Variants in UNC79 observed in about 807,000 individuals in gnomAD.
UNC79 encodes unc-79 subunit of NALCN channel complex.
UNC79 carries 37 observed loss-of-function variants against 283.1 expected under a neutral mutation model. That is an observed-to-expected ratio of 0.13 (90% CI 0.10 to 0.17). The LOEUF (loss-of-function observed/expected upper bound fraction) is 0.17. UNC79 is among the 10% of genes least tolerant of loss of function. UNC79 has a pLI of 1.00. For missense variants in UNC79, 2,272 were observed against 3,211.1 expected, an observed-to-expected ratio of 0.71 and a Z score of 7.07; for synonymous variants, 1,107 against 1,200.2, an observed-to-expected ratio of 0.92 and a Z score of 1.61.
Position 93,659,730 on chromosome 14 carries a change from T to G in UNC79, c.6525+469T>G, listed in dbSNP as rs138508741. ...ACTTTCAGAATCAGCGTTATCATCA[T>G]CATCATCGAAACAACAACCACTGTT... is the stretch of plus-strand genomic sequence containing the variant. On this transcript the variant is annotated intron_variant, in intron 39 of 48. Transcript: ENST00000555664. 2.0e-5 allele frequency among the ~76,000 whole-genome samples: 3 copies of G among 152,338 alleles called. No individual in the cohort carries two copies. In the East Asian group the frequency reaches 5.8e-4, roughly 29 times the overall value.
chr14:93,422,786 C>T (rs540362878), intron 1 of UNC79, among the ~76,000 whole-genome samples: 31 of 152,074 alleles, frequency 2.0e-4, no homozygotes, highest in African/African-American at 6.5e-4. Flanking sequence ...CAAGGCCAGG[C>T]TTGGTGGCTT....
chr14:93,362,687 T>C (rs1290173371), intron 1 of UNC79, among the ~76,000 whole-genome samples: 1 of 152,156 alleles, frequency 6.6e-6, no homozygotes, highest in Admixed American at 6.5e-5. Flanking sequence ...TTGTTCAGGG[T>C]TCCAATTTAT....
chr14:93,657,870 T>C (rs765309796), intron 38 of UNC79, among the ~76,000 whole-genome samples: 78 of 152,330 alleles, frequency 5.1e-4, no homozygotes, highest in Middle Eastern at 6.8e-3. Flanking sequence ...AGTCCTTCTA[T>C]GAGGTCAGTG....
chr14:93,637,663 G>T (rs1216455234), intron 32 of UNC79, among the ~76,000 whole-genome samples: 1 of 152,132 alleles, frequency 6.6e-6, no homozygotes, highest in African/African-American at 2.4e-5. Flanking sequence ...TCACCATGTT[G>T]GCCAGGCTAG....
chr14:93,674,678 A>G (rs1304956756), intron 41 of UNC79, among the ~76,000 whole-genome samples: 1 of 152,200 alleles, frequency 6.6e-6, no homozygotes, highest in Non-Finnish European at 1.5e-5. Context: ...AACTAGACAG[A>G]TTTCCCTGAA....
chr14:93,586,603 G>T, exon 21 of UNC79: 1 of 1,613,552 alleles, frequency 6.2e-7, no homozygotes, highest in Non-Finnish European at 8.5e-7. Flanking sequence ...CAGCAGTAAA[G>T]AATGATACCG....
intron 15 of UNC79, 99 bp from the exon 16 acceptor site, chr14:93,572,594 T>G: frequency 2.0e-6 from 3 of 1,531,474 alleles, no homozygotes; most frequent in Non-Finnish European, 2.6e-6. Flanking sequence ...CTAAAAGGCT[T>G]GGCTCTCCAA....
At chr14:93,622,097 T>G in exon 30 of UNC79, 3 of 1,614,118 alleles carry the variant, frequency 1.9e-6, no homozygotes, top group Non-Finnish European at 1.7e-6. Context: ...TGAAAAACAC[T>G]CTATACTCTC....
At chr14:93,442,993 G>T (rs1312453819) in intron 1 of UNC79, among the ~76,000 whole-genome samples, 1 of 152,136 alleles carries the variant, frequency 6.6e-6, no homozygotes, top group Non-Finnish European at 1.5e-5. Context: ...GGAGGCTGAG[G>T]TGGGCATATC....
intron 1 of UNC79, among the ~76,000 whole-genome samples, chr14:93,396,230 CTT>C (rs1383407064): frequency 1.3e-5 from 2 of 148,232 alleles, no homozygotes; most frequent in East Asian, 4.0e-4. Flanking sequence ...GAATTTTTCT[CTT>C]TGTTTTTTTT....
At chr14:93,634,770 C>G in intron 31 of UNC79, 133 bp downstream of exon 34, 1 of 803,178 alleles carries the variant, frequency 1.2e-6, no homozygotes, top group Non-Finnish European at 2.0e-6. Context: ...TTCAAAACCA[C>G]CTAAGGTAAT....
intron 1 of UNC79, among the ~76,000 whole-genome samples, chr14:93,416,617 G>A (rs1240370673): frequency 6.6e-6 from 1 of 152,134 alleles, no homozygotes; most frequent in Non-Finnish European, 1.5e-5. Flanking sequence ...TGTTGACAGT[G>A]GGGTGTTAAA....
intron 1 of UNC79, among the ~76,000 whole-genome samples, chr14:93,356,653 T>G (rs2054091607): frequency 6.6e-6 from 1 of 152,270 alleles, no homozygotes; most frequent in African/African-American, 2.4e-5. Context: ...AATAACTGGC[T>G]TTACTGACCC....
exon 1 of UNC79, chr14:93,333,431 C>G (rs2053500134): frequency 5.0e-6 from 2 of 398,474 alleles, no homozygotes; most frequent in Non-Finnish European, 8.8e-6. Flanking sequence ...GCAATGAGTG[C>G]ATCTTTCTCG....
chr14:93,664,083 A>G (rs1386515110), intron 40 of UNC79, among the ~76,000 whole-genome samples: 1 of 152,204 alleles, frequency 6.6e-6, no homozygotes, highest in African/African-American at 2.4e-5. Flanking sequence ...TCATTCTAAT[A>G]CAAGATGATG....
intron 30 of UNC79, among the ~76,000 whole-genome samples, chr14:93,628,127 C>T (rs1234030558): frequency 6.6e-6 from 1 of 152,154 alleles, no homozygotes. Context: ...TACACCATTC[C>T]CCTGCTTAAA....
At chr14:93,695,890 C>CAAAAAGAAAAAAAAAAAAAA (rs2075067544) in intron 47 of UNC79, among the ~76,000 whole-genome samples, 2 of 39,440 alleles carry the variant, frequency 5.1e-5, no homozygotes, top group Non-Finnish European at 9.3e-5. Flanking sequence ...GACTTTGTCT[C>CAAAAAGAAAAAAAAAAAAAA]AAAAAAAAAA....
exon 25 of UNC79, chr14:93,600,676 T>C (rs2065436488): frequency 3.7e-6 from 6 of 1,613,930 alleles, no homozygotes; most frequent in Admixed American, 1.7e-5. Flanking sequence ...ATATTCCTGC[T>C]CTGAGCTGGG....
intron 26 of UNC79, among the ~76,000 whole-genome samples, chr14:93,604,463 A>C (rs7157696): frequency 0.77 from 116,288 of 152,008 alleles, 45,192 homozygotes; most frequent in African/African-American, 0.89. Context: ...AATCAATAAC[A>C]CAGTTTTTCA....
Sources: allele counts gnomAD v4.1 joint callset (sites outside exome capture counted in the v4.1 genomes callset), GRCh38; gene constraint gnomAD v4.1.1; transcripts MANE v1.5; gene names NCBI Gene and HGNC (gene_info 2026-07-23, HGNC 2026-07-21).